Variants in PCDH15 observed in about 807,000 individuals in gnomAD.
The protein encoded by PCDH15 is protocadherin-15.
In PCDH15, 129 loss-of-function variants were observed where a neutral mutation model predicts 178.5. The observed-to-expected ratio is 0.72, with a 90% CI of 0.63 to 0.84. The LOEUF (loss-of-function observed/expected upper bound fraction) is 0.84, where lower values mean the gene tolerates loss of function less well. PCDH15 is among the 40% of genes least tolerant of loss of function. The pLI, the probability that PCDH15 is intolerant of heterozygous loss-of-function variation, is 0.00. For missense variants in PCDH15, 2,230 were observed against 2,099.9 expected, an observed-to-expected ratio of 1.06 and a Z score of -1.21; for synonymous variants, 800 against 732.0, an observed-to-expected ratio of 1.09 and a Z score of -1.50.
intron 2 of PCDH15, among the ~76,000 whole-genome samples, chr10:55,626,689 T>C (rs1837536683): frequency 6.6e-6 from 1 of 152,354 alleles, no homozygotes; most frequent in Admixed American, 6.5e-5. Flanking sequence ...ACAATTCATG[T>C]AATTCCTGTT....
At chr10:54,590,437 CATTTATTAGCG>C (rs2091807556) in intron 2 of PCDH15, among the ~76,000 whole-genome samples, 1 of 152,172 alleles carries the variant, frequency 6.6e-6, no homozygotes. Context: ...TGCGTTCCAT[CATTTATTAGCG>C]CCAATATATA....
rs1202080527 is a variant in PCDH15, at chr10:53,835,490, A to T, written c.3984-3957T>A. On this transcript the variant is annotated intron_variant, in intron 29 of 37. Transcript: ENST00000644397. ...TGACAAAAAAGTGCCAGGTTATACT[A>T]AAATCATAAATTTCCTTGAGCTGAA... 2.0e-5 allele frequency among the ~76,000 whole-genome samples: 3 copies of T among 152,180 alleles called. No homozygotes were observed. The South Asian group carries it at 6.2e-4, about 31-fold the overall frequency.
At chr10:54,557,982 A>G (rs4587642) in intron 2 of PCDH15, among the ~76,000 whole-genome samples, 38,344 of 151,934 alleles carry the variant, frequency 0.25, 5,161 homozygotes, top group Middle Eastern at 0.35. Flanking sequence ...AAATATTTCT[A>G]TGTAGCCACT....
At chr10:54,835,975 A>G (rs1953309018) in intron 3 of PCDH15, among the ~76,000 whole-genome samples, 1 of 152,200 alleles carries the variant, frequency 6.6e-6, no homozygotes, top group South Asian at 2.1e-4. Flanking sequence ...GCGATAGCAC[A>G]AAGACAAGGT....
chr10:53,916,436 A>G (rs946228929), intron 25 of PCDH15, among the ~76,000 whole-genome samples: 1 of 152,000 alleles, frequency 6.6e-6, no homozygotes, highest in African/African-American at 2.4e-5. Context: ...GTTTGTTTTC[A>G]TTGGTACTGC....
intron 2 of PCDH15, among the ~76,000 whole-genome samples, chr10:55,396,435 T>C (rs1837930644): frequency 6.6e-6 from 1 of 152,206 alleles, no homozygotes; most frequent in African/African-American, 2.4e-5. Flanking sequence ...CAAAACTTTA[T>C]AGTGATAGTT....
rs146006075 is a variant in PCDH15 at position 55,419,266 on chromosome 10, A to G, written c.-156+208359T>C. On this transcript the variant is annotated intron_variant, in intron 2 of 5. Coordinates refer to the PCDH15 transcript ENST00000613346. ...AATGAAATTTGCTCCTAGGACAACA[A>G]ATAAATTTTCTATGTGGGATAATAC... 2.7e-3 allele frequency among the ~76,000 whole-genome samples: 406 copies of G among 151,890 alleles called. 1 individual carries two copies. The highest frequency in any genetic ancestry group is 4.9e-3 in the Non-Finnish European group (331 of 67,794).
At chr10:54,226,270 T>C (rs1443875918) in intron 9 of PCDH15, among the ~76,000 whole-genome samples, 1 of 152,180 alleles carries the variant, frequency 6.6e-6, no homozygotes. Context: ...AGAGAGCTTC[T>C]GCAGGGGAAC....
At chr10:54,520,184 A>C (rs957699246) in intron 3 of PCDH15, among the ~76,000 whole-genome samples, 2 of 152,218 alleles carry the variant, frequency 1.3e-5, no homozygotes, top group African/African-American at 4.8e-5. Context: ...CACCAAAAGC[A>C]ATGGCAACAA....
chr10:55,525,937 T>G (rs902988719), intron 2 of PCDH15, among the ~76,000 whole-genome samples: 1 of 151,916 alleles, frequency 6.6e-6, no homozygotes, highest in Non-Finnish European at 1.5e-5. Context: ...TTCTGCAAAA[T>G]AGCTAATCAT....
At chr10:54,361,024 A>G (rs1241018446) in intron 5 of PCDH15, among the ~76,000 whole-genome samples, 1 of 152,166 alleles carries the variant, frequency 6.6e-6, no homozygotes, top group Non-Finnish European at 1.5e-5. Context: ...TAGAAATATA[A>G]TTAGAATTGA....
At position 54,109,734 on chromosome 10, in the gene PCDH15, G is replaced by C. The variant is rs568645090; in HGVS notation, c.1918-19671C>G. On this transcript the variant is annotated intron_variant, in intron 15 of 37. Transcript: ENST00000644397. Reference sequence around the variant, plus strand: ...ATGGGGGAAGTGGGGATAGTTAATGGGTACAAAACATAGTTAAAAAGAATG... The same window carrying C: ...ATGGGGGAAGTGGGGATAGTTAATGCGTACAAAACATAGTTAAAAAGAATG... Among the ~76,000 whole-genome samples the C allele has an allele frequency of 2.6e-5, 4 of 151,958 alleles. No homozygotes were observed. The East Asian group carries it at 7.7e-4, about 29-fold the overall frequency.
At chr10:53,969,955 C>T (rs6481049) in intron 21 of PCDH15, among the ~76,000 whole-genome samples, 105,741 of 151,970 alleles carry the variant, frequency 0.7, 37,317 homozygotes, top group East Asian at 0.87. Flanking sequence ...CATCAACTAA[C>T]GAGCAAAATA....
At chr10:54,144,613 C>T (rs770806589) in intron 14 of PCDH15, among the ~76,000 whole-genome samples, 3 of 152,208 alleles carry the variant, frequency 2.0e-5, no homozygotes, top group East Asian at 1.9e-4. Context: ...GATCTCCCAT[C>T]GCCTCAGCGG....
chr10:53,903,164 T>C (rs1589337191), intron 26 of PCDH15, 79 bp downstream of exon 26: 1 of 1,540,498 alleles, frequency 6.5e-7, no homozygotes, highest in Non-Finnish European at 8.9e-7. Context: ...ATGCAGTTAA[T>C]GCAAACTACA....
At chr10:54,723,778 A>T (rs1385532658) in intron 1 of PCDH15, among the ~76,000 whole-genome samples, 2 of 151,860 alleles carry the variant, frequency 1.3e-5, no homozygotes, top group Admixed American at 1.3e-4. Flanking sequence ...GCCAACAAAC[A>T]CATAAAAAAT....
chr10:54,599,477 C>T lies in PCDH15; in HGVS notation c.91+64695G>A, dbSNP rs546673871. On this transcript the variant is annotated intron_variant, in intron 2 of 37. Transcript: ENST00000644397. Reference sequence around the variant, plus strand: ...CATATGCAGAGATTGAAACTGGACCCTTTCCTTACATCATATACAAAAATC... The same window carrying T: ...CATATGCAGAGATTGAAACTGGACCTTTTCCTTACATCATATACAAAAATC... Among the ~76,000 whole-genome samples, 4 of 152,162 alleles carry T rather than the reference C, an allele frequency of 2.6e-5. No homozygotes were observed. In the East Asian group the frequency reaches 7.7e-4, roughly 29 times the overall value.
intron 13 of PCDH15, among the ~76,000 whole-genome samples, chr10:54,167,844 G>C (rs61858438): frequency 5.1e-5 from 6 of 118,284 alleles, no homozygotes; most frequent in African/African-American, 1.1e-4. Flanking sequence ...CCTTATTTCC[G>C]TGCCCCGACC....
chr10:55,221,906 G>T lies in PCDH15; in HGVS notation c.-155-55255C>A, dbSNP rs547165243. ...TTTTGAAATGGAGTCTCACTCTGTC[G>T]CCCAGGCTGGAGTGCAGTGGCTTGA... On this transcript the variant is annotated intron_variant, in intron 1 of 5. Transcript: ENST00000458638. Among the ~76,000 whole-genome samples the T allele has an allele frequency of 3.7e-4, 55 of 147,926 alleles. 2 individuals carry two copies. The highest frequency in any genetic ancestry group is 3.5e-3 in the Admixed American group (52 of 14,834).
Sources: allele counts gnomAD v4.1 joint callset (sites outside exome capture counted in the v4.1 genomes callset), GRCh38; gene constraint gnomAD v4.1.1; transcripts MANE v1.5; gene names NCBI Gene and HGNC (gene_info 2026-07-23, HGNC 2026-07-21).